MAGI2: variants seen among roughly 807,000 people sequenced by gnomAD.
MAGI2 encodes membrane-associated guanylate kinase, WW and PDZ domain-containing protein 2.
In MAGI2, 35 loss-of-function variants were observed where a neutral mutation model predicts 133.3. That is an observed-to-expected ratio of 0.26 (90% confidence interval 0.20 to 0.35). MAGI2 has a LOEUF of 0.35. Ranked by LOEUF, MAGI2 falls within the 10% of genes least tolerant of loss-of-function variation. The probability of loss-of-function intolerance (pLI) is 1.00; values close to 1 mark genes in which losing one functional copy is unlikely to be tolerated. For synonymous variants in MAGI2, 729 were observed against 710.6 expected, an observed-to-expected ratio of 1.03 and a Z score of -0.41; for missense variants, 1,636 against 1,863.4, an observed-to-expected ratio of 0.88 and a Z score of 2.25.
intron 3 of MAGI2, among the ~76,000 whole-genome samples, chr7:78,536,306 G>C (rs920988439): frequency 3.3e-5 from 5 of 150,546 alleles, no homozygotes; most frequent in African/African-American, 1.2e-4. Context: ...TAGAGACGGG[G>C]TTTCACCGTT....
At chr7:78,334,703 C>G (rs367756618) in intron 9 of MAGI2, among the ~76,000 whole-genome samples, 12 of 152,256 alleles carry the variant, frequency 7.9e-5, no homozygotes, top group African/African-American at 2.9e-4. Flanking sequence ...TACAGGCAGT[C>G]GTAGCCCAGG....
intron 1 of MAGI2, among the ~76,000 whole-genome samples, chr7:79,424,960 T>C (rs888345820): frequency 3.3e-5 from 5 of 152,180 alleles, no homozygotes; most frequent in Admixed American, 1.3e-4. Flanking sequence ...AGGTACACTA[T>C]TGCGACTAAG....
intron 2 of MAGI2, among the ~76,000 whole-genome samples, chr7:78,875,356 G>C (rs555986044): frequency 2.6e-5 from 4 of 152,098 alleles, no homozygotes; most frequent in Admixed American, 2.0e-4. Context: ...TAAAATTTAT[G>C]AATCAATAGA....
At chr7:78,566,238 A>T (rs1800929791) in intron 3 of MAGI2, among the ~76,000 whole-genome samples, 1 of 152,140 alleles carries the variant, frequency 6.6e-6, no homozygotes, top group Non-Finnish European at 1.5e-5. Context: ...GGGAAAGACC[A>T]ATTTTCCTGA....
intron 2 of MAGI2, among the ~76,000 whole-genome samples, chr7:78,932,002 A>G (rs1800163554): frequency 6.6e-6 from 1 of 150,574 alleles, no homozygotes; most frequent in Admixed American, 6.6e-5. Flanking sequence ...GGAAGGCAAA[A>G]AAAAAAAAAA....
intron 6 of MAGI2, among the ~76,000 whole-genome samples, chr7:78,413,722 C>A (rs975448700): frequency 1.3e-5 from 2 of 151,854 alleles, no homozygotes; most frequent in Admixed American, 6.6e-5. Flanking sequence ...AGAGAATGTG[C>A]CGGGAGGCTC....
At chr7:79,328,262 T>C (rs528469506) in intron 1 of MAGI2, among the ~76,000 whole-genome samples, 1 of 152,288 alleles carries the variant, frequency 6.6e-6, no homozygotes, top group South Asian at 2.1e-4. Context: ...TTTCCATGAT[T>C]GAATTTTGCT....
At chr7:78,193,235 G>T in intron 12 of MAGI2, among the ~76,000 whole-genome samples, 1 of 152,152 alleles carries the variant, frequency 6.6e-6, no homozygotes, top group East Asian at 1.9e-4. Flanking sequence ...TTGCAAAAAA[G>T]ATGGAAGTGA....
chr7:78,027,035 G>A (rs185552053), intron 21 of MAGI2, among the ~76,000 whole-genome samples: 14 of 152,154 alleles, frequency 9.2e-5, no homozygotes, highest in African/African-American at 3.4e-4. Context: ...AGAGGTTAAG[G>A]AACTTGTTCA....
intron 1 of MAGI2, among the ~76,000 whole-genome samples, chr7:79,069,800 G>A (rs1814769970): frequency 6.6e-6 from 1 of 152,136 alleles, no homozygotes; most frequent in African/African-American, 2.4e-5. Context: ...GGCAGGCCTG[G>A]TGGTGACAAA....
chr7:78,542,365 T>C (rs1798483362), intron 3 of MAGI2, among the ~76,000 whole-genome samples: 1 of 152,160 alleles, frequency 6.6e-6, no homozygotes, highest in Non-Finnish European at 1.5e-5. Flanking sequence ...AACTGAATAC[T>C]TCATATGTAC....
chr7:78,535,523 A>G (rs143217824), intron 3 of MAGI2, among the ~76,000 whole-genome samples: 46 of 152,284 alleles, frequency 3.0e-4, no homozygotes, highest in African/African-American at 1.1e-3. Flanking sequence ...AAAAATTATA[A>G]CTGAGGAAAT....
intron 2 of MAGI2, among the ~76,000 whole-genome samples, chr7:78,960,906 C>T (rs937126139): frequency 2.0e-5 from 3 of 152,044 alleles, no homozygotes; most frequent in African/African-American, 7.2e-5. Context: ...GGAATGAAGA[C>T]CTGGAATGAT....
At chr7:78,630,748 T>C (rs1288201404) in intron 2 of MAGI2, among the ~76,000 whole-genome samples, 2 of 152,192 alleles carry the variant, frequency 1.3e-5, no homozygotes, top group African/African-American at 4.8e-5. Context: ...ATATGTAATA[T>C]GTTTTCATTT....
At position 79,017,041 on chromosome 7, in the gene MAGI2, G is replaced by T. The variant is rs1261320430; in HGVS notation, c.302-9835C>A. 3.3e-5 allele frequency among the ~76,000 whole-genome samples: 5 copies of T among 152,320 alleles called. No homozygotes were observed. In the East Asian group the frequency reaches 9.7e-4, roughly 29 times the overall value. On this transcript the variant is annotated intron_variant, in intron 1 of 21. Transcript: ENST00000354212. ...TGCTGTTGCAAGTGCCCCAACAAAG[G>T]CCAGCACATCTGTTCCCATCAACAC...
At chr7:78,489,876 A>C in intron 5 of MAGI2, 36 bp from the exon 6 acceptor site, 1 of 1,481,074 alleles carries the variant, frequency 6.8e-7, no homozygotes, top group Non-Finnish European at 9.3e-7. Context: ...ACAGACACAT[A>C]CTAAAAGGAA....
At chr7:79,188,703 CT>C (rs1364737808) in intron 1 of MAGI2, among the ~76,000 whole-genome samples, 1 of 151,680 alleles carries the variant, frequency 6.6e-6, no homozygotes, top group Admixed American at 6.6e-5. Flanking sequence ...GAATTATCAC[CT>C]TTCTTTTTAT....
At chr7:79,172,491 C>T (rs1184864294) in intron 1 of MAGI2, among the ~76,000 whole-genome samples, 2 of 151,916 alleles carry the variant, frequency 1.3e-5, no homozygotes, top group Non-Finnish European at 2.9e-5. Context: ...TAGAGAAACA[C>T]AATGCAGATT....
At chr7:78,516,321 G>C (rs1214173191) in intron 4 of MAGI2, among the ~76,000 whole-genome samples, 2 of 152,138 alleles carry the variant, frequency 1.3e-5, no homozygotes, top group Non-Finnish European at 2.9e-5. Context: ...GCTCATTCAA[G>C]TTTTGAGGAT....
Sources: allele counts gnomAD v4.1 joint callset (sites outside exome capture counted in the v4.1 genomes callset), GRCh38; gene constraint gnomAD v4.1.1; transcripts MANE v1.5; gene names NCBI Gene and HGNC (gene_info 2026-07-23, HGNC 2026-07-21).